XYLB: variants seen among roughly 807,000 people sequenced by gnomAD.
The protein encoded by XYLB is xylulokinase.
In XYLB, 62 loss-of-function variants were observed where a neutral mutation model predicts 78.7. The ratio of observed to expected loss-of-function variants is 0.79; its 90% CI spans 0.64 to 0.97. The LOEUF is 0.97. Among genes scored for constraint, XYLB ranks in the 50% least tolerant of loss-of-function variants. XYLB has a pLI of 0.00. For synonymous variants in XYLB, 245 were observed against 247.4 expected, an observed-to-expected ratio of 0.99 and a Z score of 0.09; for missense variants, 687 against 676.8, an observed-to-expected ratio of 1.02 and a Z score of -0.17.
At chr3:38,447,971 C>T in the XYLB span, among the ~76,000 whole-genome samples, 1 of 151,912 alleles carries the variant, frequency 6.6e-6, no homozygotes, top group East Asian at 1.9e-4. Flanking sequence ...AATCCTAACA[C>T]TTGGAGAAAC....
chr3:38,354,455 A>G (rs1159178362), intron 2 of XYLB, among the ~76,000 whole-genome samples: 3 of 150,946 alleles, frequency 2.0e-5, no homozygotes, highest in Admixed American at 6.6e-5. Context: ...TTCTTTTTCA[A>G]TATGTACTTC....
rs140394832 is a variant in XYLB at position 38,376,157 on chromosome 3, G to A, written c.1045G>A (p.Glu349Lys). The A allele has an allele frequency of 7.4e-6, 12 of 1,614,146 alleles. No individual in the cohort carries two copies. The African/African-American group carries it at 8.0e-5, about 11-fold the overall frequency. ...CCTCATGAGAGAGAAGATCCGCAAC[G>A]AGTCTGTATCCCGTTCCTGGAGCGA... is the stretch of plus-strand genomic sequence containing the variant. ...GSLMREKIRN[E>K]SVSRSWSDFS... The change falls in exon 13 of 19, where the codon GAG (glutamate) becomes AAG (lysine). Residue 349 changes from glutamate (E) to lysine (K), a missense_variant. Glu to Lys is a moderately conservative substitution (Grantham distance 56, BLOSUM62 1). Transcript: ENST00000207870.
At chr3:38,402,353 G>T (rs1708153677) in intron 18 of XYLB, among the ~76,000 whole-genome samples, 1 of 152,128 alleles carries the variant, frequency 6.6e-6, no homozygotes. Context: ...TGAAAAGATG[G>T]TCTGAAACGA....
chr3:38,350,376 A>G (rs1705296693), intron 2 of XYLB, among the ~76,000 whole-genome samples: 1 of 152,218 alleles, frequency 6.6e-6, no homozygotes, highest in African/African-American at 2.4e-5. Flanking sequence ...TGTTCATAAT[A>G]TTCCTTTATC....
chr3:38,381,185 T>C (rs1707126402), intron 15 of XYLB, among the ~76,000 whole-genome samples: 1 of 152,186 alleles, frequency 6.6e-6, no homozygotes, highest in African/African-American at 2.4e-5. Flanking sequence ...CATTTATTAG[T>C]TCCCCAAATT....
chr3:38,437,462 C>T, the XYLB span, among the ~76,000 whole-genome samples: 246 of 152,288 alleles, frequency 1.6e-3, no homozygotes, highest in African/African-American at 5.7e-3. Flanking sequence ...AAAAGAGAAA[C>T]TCAAATTTTG....
At chr3:38,382,279 G>A (rs1559598591) in intron 15 of XYLB, among the ~76,000 whole-genome samples, 3 of 152,164 alleles carry the variant, frequency 2.0e-5, no homozygotes, top group Admixed American at 6.5e-5. Context: ...CTAGGAGGTT[G>A]AGGCTGCAGT....
chr3:38,395,825 C>T (rs1020137681), intron 16 of XYLB, among the ~76,000 whole-genome samples: 2 of 152,170 alleles, frequency 1.3e-5, no homozygotes, highest in African/African-American at 4.8e-5. Flanking sequence ...TGGAAAGTGC[C>T]TGTTCTTCCA....
intron 15 of XYLB, among the ~76,000 whole-genome samples, chr3:38,392,258 C>G (rs1707689483): frequency 6.6e-6 from 1 of 152,154 alleles, no homozygotes; most frequent in African/African-American, 2.4e-5. Flanking sequence ...ACTGGTATCT[C>G]AGTGTTAGTT....
At chr3:38,425,333 A>G (rs1435431417), downstream of XYLB, among the ~76,000 whole-genome samples, 1 of 152,202 alleles carries the variant, frequency 6.6e-6, no homozygotes, top group African/African-American at 2.4e-5. Context: ...TTTTCTCTAT[A>G]TGGAATATTA....
intron 1 of XYLB, among the ~76,000 whole-genome samples, 183 bp from the exon 2 acceptor site, chr3:38,348,367 T>TG (rs1265510614): frequency 6.6e-6 from 1 of 152,196 alleles, no homozygotes; most frequent in Non-Finnish European, 1.5e-5. Flanking sequence ...ACTAAATCTT[T>TG]GAGTGTTACC....
intron 2 of XYLB, among the ~76,000 whole-genome samples, chr3:38,358,546 A>G (rs1360305093): frequency 2.0e-5 from 3 of 151,786 alleles, no homozygotes. Context: ...GTTTCACCAT[A>G]TTGGCCAGGT....
chr3:38,433,961 T>C, the XYLB span, among the ~76,000 whole-genome samples: 1 of 152,268 alleles, frequency 6.6e-6, no homozygotes, highest in African/African-American at 2.4e-5. Context: ...AGAAAAGAAG[T>C]TTAATTGACT....
At chr3:38,430,736 G>T in the XYLB span, among the ~76,000 whole-genome samples, 1 of 152,172 alleles carries the variant, frequency 6.6e-6, no homozygotes, top group Non-Finnish European at 1.5e-5. Context: ...TTTGTATGAG[G>T]TGTAAAGAAG....
intron 9 of XYLB, chr3:38,372,355 C>A (rs1447917751): frequency 6.1e-6 from 6 of 983,578 alleles, no homozygotes; most frequent in Non-Finnish European, 6.0e-6. Flanking sequence ...GCTTATAAAG[C>A]AAGCACAAGT....
chr3:38,373,971 T>G (rs1706710147), intron 10 of XYLB, among the ~76,000 whole-genome samples: 1 of 151,772 alleles, frequency 6.6e-6, no homozygotes, highest in Admixed American at 6.6e-5. Context: ...TGAGCTATGA[T>G]CATGCCACTG....
chr3:38,394,960 C>T (rs1440871078), intron 15 of XYLB, among the ~76,000 whole-genome samples: 1 of 152,210 alleles, frequency 6.6e-6, no homozygotes, highest in Non-Finnish European at 1.5e-5. Context: ...AGAGCATGAT[C>T]TGTGTCAGAG....
chr3:38,355,708 T>G, intron 2 of XYLB: 5 of 703,288 alleles, frequency 7.1e-6, no homozygotes, highest in Non-Finnish European at 1.3e-5. Flanking sequence ...CTTCTCTGAC[T>G]TTTCTCCCAT....
chr3:38,424,447 C>G (rs1163176255), downstream of XYLB, among the ~76,000 whole-genome samples: 1 of 152,150 alleles, frequency 6.6e-6, no homozygotes, highest in African/African-American at 2.4e-5. Flanking sequence ...CATAGGTGTT[C>G]TTGATAATCA....
Sources: allele counts gnomAD v4.1 joint callset (sites outside exome capture counted in the v4.1 genomes callset), GRCh38; gene constraint gnomAD v4.1.1; transcripts MANE v1.5; gene names NCBI Gene and HGNC (gene_info 2026-07-23, HGNC 2026-07-21).